The following IGF2R variants were observed in gnomAD, a reference collection of about 807,000 sequenced individuals.
IGF2R encodes insulin like growth factor 2 receptor.
IGF2R carries 91 observed loss-of-function variants against 270.6 expected under a neutral mutation model. The ratio of observed to expected loss-of-function variants is 0.34; its 90% CI spans 0.28 to 0.40. IGF2R has a LOEUF of 0.40. Among genes scored for constraint, IGF2R ranks in the 10% least tolerant of loss-of-function variants. The pLI, the probability that IGF2R is intolerant of heterozygous loss-of-function variation, is 1.00. For synonymous variants in IGF2R, 1,316 were observed against 1,258.9 expected, an observed-to-expected ratio of 1.05 and a Z score of -0.96; for missense variants, 2,805 against 3,188.3, an observed-to-expected ratio of 0.88 and a Z score of 2.90.
At chr6:159,983,956 T>G (rs1783842188) in intron 1 of IGF2R, among the ~76,000 whole-genome samples, 1 of 152,198 alleles carries the variant, frequency 6.6e-6, no homozygotes, top group African/African-American at 2.4e-5. Flanking sequence ...ATTCACACTG[T>G]GCAGAAGAGA....
chr6:160,017,122 A>T (rs764135423), intron 4 of IGF2R, among the ~76,000 whole-genome samples: 1 of 152,250 alleles, frequency 6.6e-6, no homozygotes, highest in Non-Finnish European at 1.5e-5. Context: ...AAGAGATCAG[A>T]ATATCAATCC....
Position 160,060,736 on chromosome 6 carries a change from A to C in IGF2R, c.3262+19A>C, listed in dbSNP as rs1361658733. ...GTCACCGGTAAGGCCGTGCGGCCTA[A>C]GAACTGAGAGGCCGGTCAAGAGTCA... On this transcript the variant is annotated intron_variant, in intron 23 of 47. Coordinates refer to ENST00000356956, the MANE Select transcript of IGF2R (RefSeq NM_000876.4). The C allele has an allele frequency of 6.2e-7, 1 of 1,613,332 alleles. No homozygotes were observed. The highest frequency in any genetic ancestry group is 8.5e-7 in the Non-Finnish European group (1 of 1,179,318).
At chr6:160,029,458 C>G (rs563576730) in intron 6 of IGF2R, 92 bp from the exon 7 acceptor site, 23 of 716,568 alleles carry the variant, frequency 3.2e-5, no homozygotes, top group East Asian at 2.4e-4. Context: ...CTCCTCCCCC[C>G]CAAGTGAATG....
In IGF2R at chr6:160,069,933, G is replaced by C; in HGVS notation, c.4318G>C (p.Val1440Leu). ...CTCCAAGCCCGTGAACCTCGGCAGG[G>C]TAAGGGACGGACCTCAGTGGAGAGA... is the stretch of plus-strand genomic sequence containing the variant. ...GGSKPVNLGR[V>L]RDGPQWRDGI... Residue 1440 changes from valine to leucine, a missense_variant, in exon 31 of 48, where the codon GTA (valine) becomes CTA (leucine). Coordinates refer to ENST00000356956, the MANE Select transcript of IGF2R (RefSeq NM_000876.4). The C allele has an allele frequency of 6.2e-7, 1 of 1,614,242 alleles. No individual in the cohort carries two copies. Among genetic ancestry groups the C allele is most frequent in the Non-Finnish European group, 8.5e-7 (1 of 1,180,044 alleles).
chr6:160,088,895 C>T (rs1040497102), intron 42 of IGF2R, among the ~76,000 whole-genome samples: 4 of 152,206 alleles, frequency 2.6e-5, no homozygotes, highest in Non-Finnish European at 4.4e-5. Flanking sequence ...TAACCACCCT[C>T]GCTCCGAGCT....
chr6:160,001,627 T>C (rs1393346880), intron 2 of IGF2R, among the ~76,000 whole-genome samples: 2 of 152,164 alleles, frequency 1.3e-5, no homozygotes. Context: ...AAACAAATAT[T>C]AAGACCTCAA....
At chr6:160,094,078 C>G in intron 44 of IGF2R, 1 of 516,930 alleles carries the variant, frequency 1.9e-6, no homozygotes, top group Non-Finnish European at 3.8e-6. Flanking sequence ...AGCCCTACCT[C>G]CACCCCATCA....
At position 160,108,384 on chromosome 6, in the gene IGF2R, T is replaced by C. The variant is rs1182903370; in HGVS notation, c.*3300T>C. 2.0e-5 allele frequency: 3 copies of C among 152,528 alleles called. No homozygotes were observed. The highest frequency in any genetic ancestry group is 4.4e-5 in the Non-Finnish European group (3 of 68,256). The allele number at this position is 152,528 out of a possible 1,614,324, so 9.4% of individuals were successfully genotyped here. On this transcript the variant is annotated 3_prime_UTR_variant, in exon 48 of 48. Coordinates refer to ENST00000356956, the MANE Select transcript of IGF2R (RefSeq NM_000876.4). ...AAGCAAGCCCAGAACTTGGAGCCTG[T>C]TGTGACTGTCACAGTAAGGAGTTTG...
chr6:160,008,206 T>C (rs1330087184), intron 2 of IGF2R, among the ~76,000 whole-genome samples: 2 of 152,246 alleles, frequency 1.3e-5, no homozygotes, highest in African/African-American at 4.8e-5. Context: ...TTGATTTTTG[T>C]ACCCAGTACT....
Position 160,084,342 on chromosome 6 carries a change from G to A in IGF2R, c.6068+158G>A, listed in dbSNP as rs973402032. Among the ~76,000 whole-genome samples the A allele has an allele frequency of 3.9e-5, 6 of 152,190 alleles. No homozygotes were observed. The highest frequency in any genetic ancestry group is 5.9e-5 in the Non-Finnish European group (4 of 68,028). ...TTGTGACTGTTCCTGGAAGCAGCCC[G>A]CAGTGTCAATCCTGGCACAGAGGGT... On this transcript the variant is annotated intron_variant, in intron 40 of 47. Transcript: ENST00000356956. The surrounding 1 kb of genome is among the most constrained non-coding windows in gnomAD (Gnocchi z 4.6).
chr6:160,044,457 TCTGC>T, intron 12 of IGF2R, 53 bp from the exon 13 acceptor site: 7 of 435,710 alleles, frequency 1.6e-5, no homozygotes, highest in Middle Eastern at 8.3e-4. Context: ...CACTTCTTTG[TCTGC>T]GTGATGATCA....
At chr6:160,021,455 CG>C (rs1337516101) in intron 4 of IGF2R, among the ~76,000 whole-genome samples, 1 of 76,046 alleles carries the variant, frequency 1.3e-5, no homozygotes, top group Non-Finnish European at 2.4e-5. Flanking sequence ...GGGTGGGGGG[CG>C]GGGGGAGGGA....
At position 159,975,337 on chromosome 6, in the gene IGF2R, C is replaced by T. The variant is rs546905140; in HGVS notation, c.149+5942C>T. ...AGGGCGAGGTATTGGGGAAGGGGTG[C>T]GGAGCCTCTGTGACCTCCCTGGCTC... On this transcript the variant is annotated intron_variant, in intron 1 of 47. Transcript: ENST00000356956. 7.3e-4 allele frequency among the ~76,000 whole-genome samples: 111 copies of T among 152,246 alleles called. 1 individual carries two copies. Among genetic ancestry groups the T allele is most frequent in the African/African-American group, 2.6e-3 (108 of 41,522 alleles).
Position 160,064,795 on chromosome 6 carries a change from C to T in IGF2R, c.4018-9C>T. The T allele has an allele frequency of 6.3e-7, 1 of 1,599,016 alleles. No homozygotes were observed. Among genetic ancestry groups the T allele is most frequent in the East Asian group, 2.2e-5 (1 of 44,806 alleles). On this transcript the variant is annotated splice_polypyrimidine_tract_variant and intron_variant, in intron 28 of 47. Coordinates refer to ENST00000356956, the MANE Select transcript of IGF2R (RefSeq NM_000876.4). The stretch of plus-strand genomic sequence containing the variant: ...TCACTTTTATATATGTGCCTCTTAA[C>T]TTTTTTAGCCAGTATTTCTAAAGGA...
At chr6:160,023,459 A>G (rs1777481465) in intron 4 of IGF2R, among the ~76,000 whole-genome samples, 1 of 152,166 alleles carries the variant, frequency 6.6e-6, no homozygotes, top group African/African-American at 2.4e-5. Context: ...TGTGTATCCA[A>G]GTGATGATGA....
chr6:160,059,070 G>A lies in IGF2R; in HGVS notation c.3063G>A (p.Leu1021=), dbSNP rs375131229. 5 of 1,614,146 alleles carry A rather than the reference G, an allele frequency of 3.1e-6. No individual in the cohort carries two copies. The East Asian group carries it at 6.7e-5, about 22-fold the overall frequency. The change falls in exon 22 of 48, where the codon CTG becomes CTA. Residue 1021 remains leucine, a synonymous_variant. Coordinates refer to ENST00000356956, the MANE Select transcript of IGF2R (RefSeq NM_000876.4). The stretch of plus-strand genomic sequence containing the variant: ...TGTCCACAGAGGGCTTCATCACTCT[G>A]ACCTACAAAGGGCCTCTCTCTGCCA... ...LQLSTEGFIT[L]TYKGPLSAKG...
chr6:160,079,682 AC>A lies in IGF2R; in HGVS notation c.5583del (p.Lys1862ArgfsTer11). 1 of 1,552,262 alleles carries A rather than the reference AC, an allele frequency of 6.4e-7. No homozygotes were observed. Among genetic ancestry groups the A allele is most frequent in the South Asian group, 1.2e-5 (1 of 81,142 alleles). On this transcript the variant is annotated frameshift_variant, in exon 38 of 48. Transcript: ENST00000356956. LOFTEE classifies it high-confidence loss of function. ...KDGGVCLLSGTKGASFGRLQS... is the reference protein window; with the variant it reads ...KDGGVCLLSGXKGASFGRLQS... ...CGGAGGAGTCTGTCTGCTCTCAGGC[AC>A]CAAGGGGGCATCCTTTGGACGGCTG...
chr6:160,025,869 C>T (rs1777549286), intron 5 of IGF2R, among the ~76,000 whole-genome samples: 1 of 152,198 alleles, frequency 6.6e-6, no homozygotes. Context: ...ATTTAGGTTT[C>T]TGGTCTCTTA....
In IGF2R at chr6:159,989,425, A is replaced by C. The variant is rs6942187; in HGVS notation, c.150-1759A>C. On this transcript the variant is annotated intron_variant, in intron 1 of 47. Coordinates refer to ENST00000356956, the MANE Select transcript of IGF2R (RefSeq NM_000876.4). ...CTGTGAGGGAGTGCTTCTGTCGTCAAGGGAGTACTGCATAGGGTGAATAAC... is the reference window on the plus strand; with the variant it reads ...CTGTGAGGGAGTGCTTCTGTCGTCACGGGAGTACTGCATAGGGTGAATAAC... Among the ~76,000 whole-genome samples, 1,447 of 152,224 alleles carry C rather than the reference A, an allele frequency of 9.5e-3. 18 individuals carry two copies. The highest frequency in any genetic ancestry group is 0.033 in the African/African-American group (1,368 of 41,516).
Sources: gnomAD v4.1 joint callset for allele counts (sites outside exome capture counted in the v4.1 genomes callset) on GRCh38, gnomAD v4.1.1 for gene constraint, Gnocchi (gnomAD v3.1) non-coding constraint, MANE v1.5 for transcripts, NCBI Gene and HGNC (gene_info 2026-07-23, HGNC 2026-07-21) for gene names.